Variants in INPP4B observed in about 807,000 individuals in gnomAD.
INPP4B encodes the protein inositol polyphosphate 4-phosphatase type II.
In INPP4B, 55 loss-of-function variants were observed where a neutral mutation model predicts 122.5. That is an observed-to-expected ratio of 0.45 (90% CI 0.36 to 0.56). The LOEUF (loss-of-function observed/expected upper bound fraction) is 0.56, where lower values mean the gene tolerates loss of function less well. INPP4B is among the 20% of genes least tolerant of loss of function. INPP4B has a pLI of 0.00. For synonymous variants in INPP4B, 403 were observed against 388.7 expected (o/e 1.04, Z -0.43); for missense variants, 1,000 against 1,097.7 (o/e 0.91, Z 1.26).
At chr4:142,044,381 C>T (rs1040516564) in intron 25 of INPP4B, among the ~76,000 whole-genome samples, 1 of 152,024 alleles carries the variant, frequency 6.6e-6, no homozygotes, top group Non-Finnish European at 1.5e-5. Flanking sequence ...AAAACAGTCA[C>T]AGATTCAAAG....
At chr4:142,829,116 G>A (rs1257796068) in intron 1 of INPP4B, among the ~76,000 whole-genome samples, 2 of 145,916 alleles carry the variant, frequency 1.4e-5, no homozygotes, top group Admixed American at 6.9e-5. Context: ...AATAAGAGAC[G>A]GAATTAAAAT....
intron 7 of INPP4B, among the ~76,000 whole-genome samples, chr4:142,350,060 C>G (rs796251797): frequency 4.3e-4 from 66 of 152,082 alleles, no homozygotes; most frequent in African/African-American, 1.5e-3. Flanking sequence ...AAAGCTACCT[C>G]TTCGGCGCTT....
chr4:142,810,068 G>T (rs1271386064), intron 1 of INPP4B, among the ~76,000 whole-genome samples: 1 of 151,542 alleles, frequency 6.6e-6, no homozygotes, highest in Non-Finnish European at 1.5e-5. Flanking sequence ...TACTCGGGGG[G>T]CTGAGGCAGG....
intron 2 of INPP4B, among the ~76,000 whole-genome samples, chr4:142,515,313 T>G (rs574637606): frequency 6.6e-6 from 1 of 152,288 alleles, no homozygotes; most frequent in East Asian, 1.9e-4. Flanking sequence ...ACCCACTAAC[T>G]CTTGGTCACA....
At chr4:142,057,138 G>GGAGCATTGA in intron 25 of INPP4B, among the ~76,000 whole-genome samples, 1 of 151,784 alleles carries the variant, frequency 6.6e-6, no homozygotes, top group East Asian at 1.9e-4. Flanking sequence ...AATTACATTG[G>GGAGCATTGA]GAGAAGATGG....
intron 2 of INPP4B, among the ~76,000 whole-genome samples, chr4:142,681,091 A>C (rs1758553179): frequency 6.6e-6 from 1 of 151,894 alleles, no homozygotes; most frequent in Non-Finnish European, 1.5e-5. Context: ...TTTTCATTCA[A>C]GTCTATATAT....
chr4:142,235,488 C>A (rs1856311617), intron 12 of INPP4B, among the ~76,000 whole-genome samples: 1 of 152,166 alleles, frequency 6.6e-6, no homozygotes, highest in Non-Finnish European at 1.5e-5. Flanking sequence ...GTGGCGCGAT[C>A]TCAGCTCACT....
chr4:142,460,848 T>C (rs750219772), intron 3 of INPP4B, among the ~76,000 whole-genome samples: 54 of 143,294 alleles, frequency 3.8e-4, no homozygotes, highest in Non-Finnish European at 4.7e-5. Context: ...TTCAGACTTT[T>C]AGTGCTGCAA....
chr4:142,215,085 A>T (rs1297190005), intron 12 of INPP4B, among the ~76,000 whole-genome samples: 1 of 152,222 alleles, frequency 6.6e-6, no homozygotes, highest in Non-Finnish European at 1.5e-5. Context: ...ATCAGAGTTC[A>T]TATAAGATTC....
At chr4:142,206,228 T>A (rs1008557217) in intron 14 of INPP4B, among the ~76,000 whole-genome samples, 2 of 152,010 alleles carry the variant, frequency 1.3e-5, no homozygotes, top group African/African-American at 4.8e-5. Context: ...TCCAAATGCC[T>A]CCCCTTAGGT....
chr4:142,831,467 A>C (rs1782130354), intron 1 of INPP4B, among the ~76,000 whole-genome samples: 1 of 152,190 alleles, frequency 6.6e-6, no homozygotes, highest in African/African-American at 2.4e-5. Context: ...TTGCATATTA[A>C]AACATTAATC....
chr4:142,846,024 A>G lies in INPP4B; in HGVS notation c.-254+185T>C, dbSNP rs1367165351. Among the ~76,000 whole-genome samples the G allele has an allele frequency of 6.6e-6, 1 of 151,962 alleles. No homozygotes were observed. The highest frequency in any genetic ancestry group is 6.5e-5 in the Admixed American group (1 of 15,276). On this transcript the variant is annotated intron_variant, in intron 1 of 25. Transcript: ENST00000262992. This position sits in a 1 kb window ranked among gnomAD's most constrained non-coding sequence, Gnocchi z 5.1. Reference sequence around the variant, plus strand: ...CAGCCCACCCCACCCTTTAAGCTAAAGAGCTGGAGGGGTGATGGAGGCTGC... The same window carrying G: ...CAGCCCACCCCACCCTTTAAGCTAAGGAGCTGGAGGGGTGATGGAGGCTGC...
intron 7 of INPP4B, among the ~76,000 whole-genome samples, chr4:142,392,490 G>T (rs1579935806): frequency 6.6e-6 from 1 of 152,128 alleles, no homozygotes; most frequent in South Asian, 2.1e-4. Context: ...AACTTTAATG[G>T]TACATATGTT....
In INPP4B at chr4:142,398,239, G is replaced by C. The variant is rs1394779273; in HGVS notation, c.372+4699C>G. ...AGATACAAAAAAATATTAGCCAGGC[G>C]TGGTGGCGGGCGCCTGTAGTCCCAG... On this transcript the variant is annotated intron_variant, in intron 7 of 25. Coordinates refer to ENST00000262992, the MANE Select transcript of INPP4B (RefSeq NM_001101669.3). 2.7e-5 allele frequency among the ~76,000 whole-genome samples: 4 copies of C among 150,350 alleles called. No individual in the cohort carries two copies. In the East Asian group the frequency reaches 7.9e-4, roughly 30 times the overall value.
At chr4:142,317,371 C>T in intron 7 of INPP4B, 1 of 325,864 alleles carries the variant, frequency 3.1e-6, no homozygotes, top group East Asian at 9.3e-5. Flanking sequence ...AGATTACATG[C>T]TTATGATCAA....
chr4:142,658,868 C>A (rs1754633687), intron 2 of INPP4B, among the ~76,000 whole-genome samples: 1 of 152,184 alleles, frequency 6.6e-6, no homozygotes, highest in Admixed American at 6.5e-5. Flanking sequence ...AGTTTATCGA[C>A]CTTAAGAGGA....
At chr4:142,706,535 C>T (rs998078460) in intron 2 of INPP4B, among the ~76,000 whole-genome samples, 1 of 152,162 alleles carries the variant, frequency 6.6e-6, no homozygotes, top group Non-Finnish European at 1.5e-5. Flanking sequence ...GTTAACATGC[C>T]TCAATATCCA....
intron 18 of INPP4B, among the ~76,000 whole-genome samples, chr4:142,137,823 A>T (rs1805441538): frequency 1.3e-5 from 2 of 151,866 alleles, no homozygotes; most frequent in African/African-American, 4.8e-5. Flanking sequence ...ATGCAAATCA[A>T]AACCACAATG....
intron 1 of INPP4B, among the ~76,000 whole-genome samples, chr4:142,804,729 C>A (rs1341464976): frequency 6.6e-6 from 1 of 152,304 alleles, no homozygotes; most frequent in Non-Finnish European, 1.5e-5. Flanking sequence ...TGCAGTGGCA[C>A]AATCATGGCT....
Sources: gnomAD v4.1 joint callset for allele counts (sites outside exome capture counted in the v4.1 genomes callset) on GRCh38, gnomAD v4.1.1 for gene constraint, Gnocchi (gnomAD v3.1) non-coding constraint, MANE v1.5 for transcripts, NCBI Gene and HGNC (gene_info 2026-07-23, HGNC 2026-07-21) for gene names.